Variants in LRRC10 observed in about 807,000 individuals in gnomAD.
The protein encoded by LRRC10 is leucine-rich repeat-containing protein 10.
Under a neutral mutation model 11.1 loss-of-function variants are expected in LRRC10, and 6 were observed. That is an observed-to-expected ratio of 0.54 (90% CI 0.30 to 1.07). The LOEUF (loss-of-function observed/expected upper bound fraction) is 1.07. Ranked by LOEUF, LRRC10 falls within the 50% of genes least tolerant of loss-of-function variation. LRRC10 has a pLI of 0.07. For missense variants in LRRC10, 320 were observed against 355.5 expected, an observed-to-expected ratio of 0.90 and a Z score of 0.80; for synonymous variants, 145 against 153.6, an observed-to-expected ratio of 0.94 and a Z score of 0.41.
Position 69,610,718 on chromosome 12 carries a change from A to ACT in LRRC10, c.119_120dup (p.Leu41SerfsTer20). 1 of 1,614,102 alleles carries ACT rather than the reference A, an allele frequency of 6.2e-7. No individual in the cohort carries two copies. Among genetic ancestry groups the ACT allele is most frequent in the Non-Finnish European group, 8.5e-7 (1 of 1,180,014 alleles). Reference sequence around the variant, plus strand: ...CACACGTGCAGGGGGAAGCGGCGTAACTGGCTCCCACTCAGATCCACCATC... The same window carrying ACT: ...CACACGTGCAGGGGGAAGCGGCGTAACTCTGGCTCCCACTCAGATCCACCATC... On this transcript the variant is annotated frameshift_variant, in exon 1 of 1. Coordinates refer to ENST00000361484, the MANE Select transcript of LRRC10 (RefSeq NM_201550.4). LOFTEE classifies it high-confidence loss of function.
rs1178432060 is a variant in LRRC10, at chr12:69,610,011, G to A, written c.828C>T (p.Asn276=). Residue 276 remains asparagine (N), a synonymous_variant, in exon 1 of 1, where the codon AAC becomes AAT. Coordinates refer to ENST00000361484, the MANE Select transcript of LRRC10 (RefSeq NM_201550.4). ...QAPVPLLPPT[N]S is the part of the protein sequence containing the mutation. ...GACTTGCAACTGAAGCTCCTCAGGAGTTGGTAGGAGGAAGTAGAGGGACTG... is the reference window on the plus strand; with the variant it reads ...GACTTGCAACTGAAGCTCCTCAGGAATTGGTAGGAGGAAGTAGAGGGACTG... 1 of 1,613,770 alleles carries A rather than the reference G, an allele frequency of 6.2e-7. No individual in the cohort carries two copies. The highest frequency in any genetic ancestry group is 8.5e-7 in the Non-Finnish European group (1 of 1,179,742).
rs759300785 is a variant in LRRC10, at chr12:69,610,858, C to T, written c.-20G>A. The T allele has an allele frequency of 2.5e-5, 38 of 1,548,290 alleles. No homozygotes were observed. Among genetic ancestry groups the T allele is most frequent in the Middle Eastern group, 1.7e-4 (1 of 5,894 alleles). ...CCCCATGCGGAGGCTGGGGGCATGG[C>T]GAGCCCCAGAGGACAGACTCACTGA... On this transcript the variant is annotated 5_prime_UTR_variant, in exon 1 of 1. Transcript: ENST00000361484.
chr12:69,609,272 G>A lies in LRRC10; in HGVS notation c.*733C>T, dbSNP rs1443464962. On this transcript the variant is annotated 3_prime_UTR_variant, in exon 1 of 1. Transcript: ENST00000361484. ...CCAGTTACTGGGCAGGCTGAGGCGG[G>A]AGGAAGGCTTGAGCCCAGTAGTTCG... is the stretch of plus-strand genomic sequence containing the variant. 6.6e-6 allele frequency: 1 copy of A among 152,492 alleles called. No individual in the cohort carries two copies. Among genetic ancestry groups the A allele is most frequent in the Non-Finnish European group, 1.5e-5 (1 of 68,286 alleles). 9.4% of individuals were successfully genotyped at this position (152,492 alleles called of 1,614,324 possible).
chr12:69,609,768 G>T lies in LRRC10; in HGVS notation c.*237C>A. On this transcript the variant is annotated 3_prime_UTR_variant, in exon 1 of 1. Transcript: ENST00000361484. The stretch of plus-strand genomic sequence containing the variant: ...GGAGAAGCTGTTTTCTTGCAAAGAA[G>T]TTATGATCTCTGGATTGTCATGCCA... The T allele has an allele frequency of 3.7e-6, 2 of 546,810 alleles. No homozygotes were observed. The highest frequency in any genetic ancestry group is 6.5e-6 in the Non-Finnish European group (2 of 306,584). 33.9% of individuals were successfully genotyped at this position (546,810 alleles called of 1,614,324 possible).
At position 69,610,717 on chromosome 12, in the gene LRRC10, A is replaced by T; in HGVS notation, c.122T>A (p.Leu41Ter). 1.2e-6 allele frequency: 2 copies of T among 1,614,142 alleles called. No individual in the cohort carries two copies. The highest frequency in any genetic ancestry group is 1.7e-6 in the Non-Finnish European group (2 of 1,180,024). Residue 41 changes from leucine (L) to a stop codon, truncating the protein, a stop_gained, in exon 1 of 1, where the codon TTA becomes TAA. Transcript: ENST00000361484. LOFTEE classifies it high-confidence loss of function. Reference sequence around the variant, plus strand: ...GCACACGTGCAGGGGGAAGCGGCGTAACTGGCTCCCACTCAGATCCACCAT... The same window carrying T: ...GCACACGTGCAGGGGGAAGCGGCGTTACTGGCTCCCACTCAGATCCACCAT... ...DKMVDLSGSQ[L>*]RRFPLHVCSF...
chr12:69,610,488 C>A lies in LRRC10; in HGVS notation c.351G>T (p.Leu117=), dbSNP rs753730377. 2 of 1,614,182 alleles carry A rather than the reference C, an allele frequency of 1.2e-6. No individual in the cohort carries two copies. The highest frequency in any genetic ancestry group is 2.2e-5 in the South Asian group (2 of 91,084). The change falls in exon 1 of 1, where the codon CTG becomes CTT. Residue 117 remains leucine, a synonymous_variant. Transcript: ENST00000361484. ...NNKLCDLPSE[L]SLLQNLRTLW... ...GGGTCCTGAGGTTCTGGAGCAGGCT[C>A]AGCTCACTGGGGAGGTCGCAGAGTT... is the stretch of plus-strand genomic sequence containing the variant.
Position 69,610,693 on chromosome 12 carries a change from C to A in LRRC10, c.146G>T (p.Cys49Phe). The change falls in exon 1 of 1, where the codon TGC (cysteine) becomes TTC (phenylalanine). Residue 49 changes from cysteine (C) to phenylalanine (F), a missense_variant. Transcript: ENST00000361484. ...SQLRRFPLHVCSFRELVKLYL... is the reference protein window; with the variant it reads ...SQLRRFPLHVFSFRELVKLYL... ...GAGCTTGACCAGCTCCCTGAAGGAG[C>A]ACACGTGCAGGGGGAAGCGGCGTAA... The A allele has an allele frequency of 6.2e-7, 1 of 1,614,162 alleles. No homozygotes were observed. Among genetic ancestry groups the A allele is most frequent in the Non-Finnish European group, 8.5e-7 (1 of 1,180,032 alleles).
At position 69,610,128 on chromosome 12, in the gene LRRC10, C is replaced by G; in HGVS notation, c.711G>C (p.Val237=). ...CTGGCGTCTCCTCTGCCCATCTCCC[C>G]ACACGGCGCACACCTTTGGCCACCT... The part of the protein sequence containing the change: ...APKVAKGVRR[V]GRWAEETPEP... Residue 237 remains valine, a synonymous_variant, in exon 1 of 1, where the codon GTG becomes GTC. Transcript: ENST00000361484. The G allele has an allele frequency of 2.5e-6, 4 of 1,614,240 alleles. No homozygotes were observed. The highest frequency in any genetic ancestry group is 3.4e-6 in the Non-Finnish European group (4 of 1,180,050).
chr12:69,610,671 C>T lies in LRRC10; in HGVS notation c.168G>A (p.Lys56=), dbSNP rs776217580. The T allele has an allele frequency of 5.0e-6, 8 of 1,614,072 alleles. No homozygotes were observed. Among genetic ancestry groups the T allele is most frequent in the Non-Finnish European group, 5.9e-6 (7 of 1,180,046 alleles). ...LHVCSFRELV[K]LYLSDNHLNS... is the part of the protein sequence containing the mutation. ...TGAGGTGGTTGTCGCTCAGGTAGAG[C>T]TTGACCAGCTCCCTGAAGGAGCACA... is the stretch of plus-strand genomic sequence containing the variant. Residue 56 remains lysine (K), a synonymous_variant, in exon 1 of 1, where the codon AAG becomes AAA. Transcript: ENST00000361484.
rs1332978117 is a variant in LRRC10, at chr12:69,610,852, G to A, written c.-14C>T. 4 of 1,558,218 alleles carry A rather than the reference G, an allele frequency of 2.6e-6. No individual in the cohort carries two copies. Among genetic ancestry groups the A allele is most frequent in the East Asian group, 2.3e-5 (1 of 42,946 alleles). On this transcript the variant is annotated 5_prime_UTR_variant, in exon 1 of 1. Coordinates refer to ENST00000361484, the MANE Select transcript of LRRC10 (RefSeq NM_201550.4). ...GGTGTTCCCCATGCGGAGGCTGGGGGCATGGCGAGCCCCAGAGGACAGACT... is the reference window on the plus strand; with the variant it reads ...GGTGTTCCCCATGCGGAGGCTGGGGACATGGCGAGCCCCAGAGGACAGACT...
chr12:69,609,894 A>T lies in LRRC10; in HGVS notation c.*111T>A. The T allele has an allele frequency of 2.0e-6, 2 of 995,586 alleles. No homozygotes were observed. Among genetic ancestry groups the T allele is most frequent in the Non-Finnish European group, 3.0e-6 (2 of 674,582 alleles). The allele number at this position is 995,586 out of a possible 1,614,324, so 61.7% of individuals were successfully genotyped here. ...CACCTGGCTCTCTCCATCAGTCTCT[A>T]CTAGCAGAGCCACTCCCAAATGACC... On this transcript the variant is annotated 3_prime_UTR_variant, in exon 1 of 1. Coordinates refer to ENST00000361484, the MANE Select transcript of LRRC10 (RefSeq NM_201550.4).
chr12:69,610,789 C>T lies in LRRC10; in HGVS notation c.50G>A (p.Cys17Tyr), dbSNP rs757642464. The T allele has an allele frequency of 2.5e-6, 4 of 1,613,544 alleles. No homozygotes were observed. The highest frequency in any genetic ancestry group is 3.4e-6 in the Non-Finnish European group (4 of 1,179,752). The change falls in exon 1 of 1, where the codon TGC becomes TAC. Residue 17 changes from cysteine to tyrosine, a missense_variant. By Grantham distance (194) the Cys-to-Tyr change is radical (BLOSUM62 -2). Coordinates refer to ENST00000361484, the MANE Select transcript of LRRC10 (RefSeq NM_201550.4). ...GAGGTCCCTGACCACATAGTTCTGGCAACGGTCAGCAGGGATGAAGGCCAC... is the reference window on the plus strand; with the variant it reads ...GAGGTCCCTGACCACATAGTTCTGGTAACGGTCAGCAGGGATGAAGGCCAC... ...ALVAFIPADR[C>Y]QNYVVRDLRE...
In LRRC10 at chr12:69,609,356, T is replaced by G. The variant is rs998805745; in HGVS notation, c.*649A>C. The G allele has an allele frequency of 6.6e-6, 1 of 152,516 alleles. No individual in the cohort carries two copies. The highest frequency in any genetic ancestry group is 1.5e-5 in the Non-Finnish European group (1 of 68,352). 9.4% of individuals were successfully genotyped at this position (152,516 alleles called of 1,614,324 possible). A position where few individuals can be genotyped will look rare whatever the true frequency, so the allele number is the denominator to read the frequency against. Reference sequence around the variant, plus strand: ...TCCAGCCTAGCAACAGAGTGAGACCTTGTCTCTAATAATAATAAAAGGGGC... The same window carrying G: ...TCCAGCCTAGCAACAGAGTGAGACCGTGTCTCTAATAATAATAAAAGGGGC... On this transcript the variant is annotated 3_prime_UTR_variant, in exon 1 of 1. Coordinates refer to ENST00000361484, the MANE Select transcript of LRRC10 (RefSeq NM_201550.4).
Position 69,608,712 on chromosome 12 carries a change from A to G in LRRC10, c.*1293T>C, listed in dbSNP as rs1317066155. 1.3e-5 allele frequency: 2 copies of G among 152,236 alleles called. No individual in the cohort carries two copies. The highest frequency in any genetic ancestry group is 2.9e-5 in the Non-Finnish European group (2 of 68,040). 9.4% of individuals were successfully genotyped at this position (152,236 alleles called of 1,614,324 possible). A position where few individuals can be genotyped will look rare whatever the true frequency, so the allele number is the denominator to read the frequency against. ...GAGATACTAGGCGAAAGAGGCAGAGACTTCCTATATACACTACAACTTCCT... is the reference window on the plus strand; with the variant it reads ...GAGATACTAGGCGAAAGAGGCAGAGGCTTCCTATATACACTACAACTTCCT... On this transcript the variant is annotated 3_prime_UTR_variant, in exon 1 of 1. Transcript: ENST00000361484.
rs908815253 is a variant in LRRC10, at chr12:69,609,225, C to G, written c.*780G>C. On this transcript the variant is annotated 3_prime_UTR_variant, in exon 1 of 1. Coordinates refer to ENST00000361484, the MANE Select transcript of LRRC10 (RefSeq NM_201550.4). ...CTCTACGAAAAAATTAAAGACTTAG[C>G]CAGGTGTGCACATCTGTAGTACCAG... 8 of 152,328 alleles carry G rather than the reference C, an allele frequency of 5.3e-5. No individual in the cohort carries two copies. The highest frequency in any genetic ancestry group is 4.6e-4 in the Admixed American group (7 of 15,270). The allele number at this position is 152,328 out of a possible 1,614,324, so 9.4% of individuals were successfully genotyped here.
rs1882356357 is a variant in LRRC10, at chr12:69,610,494, A to G, written c.345T>C (p.Ser115=). The change falls in exon 1 of 1, where the codon AGT becomes AGC. Residue 115 remains serine, a synonymous_variant. Transcript: ENST00000361484. ...TGAGGTTCTGGAGCAGGCTCAGCTC[A>G]CTGGGGAGGTCGCAGAGTTTGTTGT... ...LGNNKLCDLP[S]ELSLLQNLRT... The G allele has an allele frequency of 1.9e-6, 3 of 1,614,154 alleles. No homozygotes were observed. Among genetic ancestry groups the G allele is most frequent in the Non-Finnish European group, 2.5e-6 (3 of 1,180,014 alleles).
chr12:69,609,026 C>T lies in LRRC10; in HGVS notation c.*979G>A, dbSNP rs1002033341. 6.6e-6 allele frequency: 1 copy of T among 152,192 alleles called. No homozygotes were observed. 9.4% of individuals were successfully genotyped at this position (152,192 alleles called of 1,614,324 possible). A position where few individuals can be genotyped will look rare whatever the true frequency, so the allele number is the denominator to read the frequency against. ...GTTGGGAGCAGATCTTGGGACAAAC[C>T]TTTTAGGGAAAATGAACTAAATCAG... On this transcript the variant is annotated 3_prime_UTR_variant, in exon 1 of 1. Transcript: ENST00000361484.
chr12:69,609,781 G>A lies in LRRC10; in HGVS notation c.*224C>T. On this transcript the variant is annotated 3_prime_UTR_variant, in exon 1 of 1. Coordinates refer to ENST00000361484, the MANE Select transcript of LRRC10 (RefSeq NM_201550.4). ...TCTTGCAAAGAAGTTATGATCTCTG[G>A]ATTGTCATGCCATCATTGGCACACA... The A allele has an allele frequency of 1.8e-6, 1 of 564,032 alleles. No homozygotes were observed. Among genetic ancestry groups the A allele is most frequent in the Middle Eastern group, 4.7e-4 (1 of 2,122 alleles). 34.9% of individuals were successfully genotyped at this position (564,032 alleles called of 1,614,324 possible).
At position 69,609,960 on chromosome 12, in the gene LRRC10, C is replaced by T. The variant is rs1882338692; in HGVS notation, c.*45G>A. On this transcript the variant is annotated 3_prime_UTR_variant, in exon 1 of 1. Coordinates refer to ENST00000361484, the MANE Select transcript of LRRC10 (RefSeq NM_201550.4). Reference sequence around the variant, plus strand: ...CACTCCAATGGAGAGGCTTCCAGAACATGCTGCAGTTGGGTCCTTGGCATT... The same window carrying T: ...CACTCCAATGGAGAGGCTTCCAGAATATGCTGCAGTTGGGTCCTTGGCATT... 6.4e-7 allele frequency: 1 copy of T among 1,573,174 alleles called. No homozygotes were observed. Among genetic ancestry groups the T allele is most frequent in the African/African-American group, 1.4e-5 (1 of 74,010 alleles).
Sources: gnomAD v4.1 joint callset for allele counts on GRCh38, gnomAD v4.1.1 for gene constraint, MANE v1.5 for transcripts, NCBI Gene and HGNC (gene_info 2026-07-23, HGNC 2026-07-21) for gene names.